Variants in MRPL46 observed in about 807,000 individuals in gnomAD.
MRPL46 encodes the protein large ribosomal subunit protein mL46.
Under a neutral mutation model 31.0 loss-of-function variants are expected in MRPL46, and 26 were observed. The observed-to-expected ratio is 0.84, with a 90% CI of 0.61 to 1.16. MRPL46 has a LOEUF of 1.16. MRPL46 is among the 50% of genes most tolerant of loss of function. MRPL46 has a pLI of 0.00. For synonymous variants in MRPL46, 159 were observed against 141.3 expected, an observed-to-expected ratio of 1.13 and a Z score of -0.89; for missense variants, 395 against 340.0, an observed-to-expected ratio of 1.16 and a Z score of -1.27.
intron 3 of MRPL46, chr15:88,461,669 A>C (rs2055478589): frequency 6.6e-6 from 1 of 152,232 alleles, no homozygotes; most frequent in South Asian, 2.1e-4. Context: ...AGTGCTATTA[A>C]TTGGCAAGAG....
chr15:88,464,581 C>T, intron 3 of MRPL46, 122 bp downstream of exon 3: 1 of 1,078,158 alleles, frequency 9.3e-7, no homozygotes, highest in Non-Finnish European at 1.3e-6. Flanking sequence ...TTTTTATAAA[C>T]TTCAAAATTT....
Position 88,464,734 on chromosome 15 carries a change from T to G in MRPL46, c.558A>C (p.Gly186=). Residue 186 remains glycine, a synonymous_variant, in exon 3 of 4, where the codon GGA becomes GGC. Coordinates refer to ENST00000312475, the MANE Select transcript of MRPL46 (RefSeq NM_022163.4). ...GTGTGGCCAGGGTTCGTTCAGCTGT[T>G]CCTCGAAGGGTCTCCCCAGGCTGCC... The part of the protein sequence containing the change: ...AEWQPGETLR[G]TAERTLATLS... The G allele has an allele frequency of 6.2e-7, 1 of 1,614,002 alleles. No individual in the cohort carries two copies. The highest frequency in any genetic ancestry group is 2.2e-5 in the East Asian group (1 of 44,858).
intron 3 of MRPL46, chr15:88,462,155 C>T (rs1243755080): frequency 6.8e-6 from 1 of 146,500 alleles, no homozygotes; most frequent in Admixed American, 6.7e-5. Flanking sequence ...TTTTCTCATA[C>T]TAAAAAAAAA....
At chr15:88,465,805 T>A in intron 1 of MRPL46, 32 bp from the exon 2 acceptor site, 1 of 1,527,870 alleles carries the variant, frequency 6.5e-7, no homozygotes, top group Non-Finnish European at 8.7e-7. Flanking sequence ...AAAACTACCT[T>A]AATCTGGCAA....
chr15:88,465,854 G>A (rs748470096), intron 1 of MRPL46, 81 bp from the exon 2 acceptor site: 7 of 1,317,098 alleles, frequency 5.3e-6, no homozygotes, highest in Non-Finnish European at 7.1e-6. Flanking sequence ...ATAAAACAGA[G>A]ACATGGCACA....
chr15:88,459,955 A>G, intron 3 of MRPL46, 92 bp from the exon 4 acceptor site: 1 of 1,498,756 alleles, frequency 6.7e-7, no homozygotes, highest in African/African-American at 1.4e-5. Flanking sequence ...GGTCCCTGCA[A>G]GATCTGGCCC....
At chr15:88,467,019 A>T in intron 1 of MRPL46, 131 bp downstream of exon 1, 1 of 1,055,630 alleles carries the variant, frequency 9.5e-7, no homozygotes, top group Non-Finnish European at 1.4e-6. Flanking sequence ...ACATCTATGT[A>T]CCAAACCAAG....
chr15:88,464,843 T>C lies in MRPL46; in HGVS notation c.449A>G (p.Asn150Ser). 6.2e-7 allele frequency: 1 copy of C among 1,614,094 alleles called. No individual in the cohort carries two copies. Among genetic ancestry groups the C allele is most frequent in the Non-Finnish European group, 8.5e-7 (1 of 1,179,996 alleles). The change falls in exon 3 of 4, where the codon AAC (asparagine) becomes AGC (serine). Residue 150 changes from asparagine to serine, a missense_variant. Asn to Ser is a conservative substitution (Grantham distance 46). Coordinates refer to ENST00000312475, the MANE Select transcript of MRPL46 (RefSeq NM_022163.4). ...ADEKNDRTSL[N>S]RKLDRNLVLL... is the part of the protein sequence containing the mutation. Reference sequence around the variant, plus strand: ...GACAAGGTTCCTGTCTAGCTTCCTGTTCAGGGATGTTCGGTCATTCTTTTC... The same window carrying C: ...GACAAGGTTCCTGTCTAGCTTCCTGCTCAGGGATGTTCGGTCATTCTTTTC...
At chr15:88,465,377 G>T in intron 2 of MRPL46, 1 of 472,654 alleles carries the variant, frequency 2.1e-6, no homozygotes, top group South Asian at 6.6e-5. Context: ...AAGTTTAACT[G>T]AGAGAAAAGG....
chr15:88,465,413 C>A (rs949015371), intron 2 of MRPL46, 174 bp downstream of exon 2: 86 of 651,118 alleles, frequency 1.3e-4, no homozygotes, highest in Admixed American at 3.7e-5. Context: ...TACCTCTCAC[C>A]CGAAAATAAG....
intron 3 of MRPL46, chr15:88,462,901 T>C (rs1598283849): frequency 6.6e-6 from 1 of 152,276 alleles, no homozygotes; most frequent in Non-Finnish European, 1.5e-5. Context: ...ATATGTGTTT[T>C]AATATATTTG....
intron 3 of MRPL46, chr15:88,464,486 G>C (rs1427404041): frequency 3.9e-6 from 2 of 510,146 alleles, no homozygotes; most frequent in African/African-American, 4.0e-5. Context: ...TAAAATCTCA[G>C]TGGAACAAAG....
At chr15:88,460,219 C>A in intron 3 of MRPL46, 1 of 250,550 alleles carries the variant, frequency 4.0e-6, no homozygotes, top group South Asian at 5.6e-5. Flanking sequence ...GCTGGCGAAT[C>A]AGCCCAGTCG....
rs745858607 is a variant in MRPL46 at position 88,459,781 on chromosome 15, C to G, written c.672G>C (p.Glu224Asp). The G allele has an allele frequency of 1.4e-5, 22 of 1,614,226 alleles. No individual in the cohort carries two copies. The highest frequency in any genetic ancestry group is 9.9e-5 in the South Asian group (9 of 91,086). Residue 224 changes from glutamate to aspartate, a missense_variant, in exon 4 of 4, where the codon GAG becomes GAC. Coordinates refer to ENST00000312475, the MANE Select transcript of MRPL46 (RefSeq NM_022163.4). ...AGAACACCTTGGCTCCGAGGTTACT[C>G]TCTGTCCGCATTGCCTGGGGGAACT... is the stretch of plus-strand genomic sequence containing the variant. ...TFKFPQAMRT[E>D]SNLGAKVFFF... is the part of the protein sequence containing the mutation.
intron 3 of MRPL46, chr15:88,460,544 T>C (rs1168148973): frequency 6.6e-6 from 1 of 152,420 alleles, no homozygotes; most frequent in Non-Finnish European, 1.5e-5. Context: ...AATGATGGAC[T>C]AATTACTAAA....
At chr15:88,466,028 A>G (rs1452601515) in intron 1 of MRPL46, among the ~76,000 whole-genome samples, 1 of 152,228 alleles carries the variant, frequency 6.6e-6, no homozygotes, top group Non-Finnish European at 1.5e-5. Context: ...CTACAAAAAC[A>G]GAGAGCTGGG....
chr15:88,460,954 T>A (rs1264514970), intron 3 of MRPL46: 2 of 152,196 alleles, frequency 1.3e-5, no homozygotes, highest in Non-Finnish European at 1.5e-5. Context: ...TTGGTCAGGC[T>A]GGTCTTGAAC....
chr15:88,460,148 A>G (rs2055464352), intron 3 of MRPL46: 2 of 398,376 alleles, frequency 5.0e-6, no homozygotes, highest in South Asian at 2.9e-5. Flanking sequence ...TGGGAGTCAG[A>G]GCACCTAGTT....
chr15:88,467,020 C>G (rs2055546477), intron 1 of MRPL46, 130 bp downstream of exon 1: 4 of 1,075,770 alleles, frequency 3.7e-6, no homozygotes, highest in Non-Finnish European at 4.0e-6. Context: ...CATCTATGTA[C>G]CAAACCAAGT....
Sources: gnomAD v4.1 joint callset for allele counts (sites outside exome capture counted in the v4.1 genomes callset) on GRCh38, gnomAD v4.1.1 for gene constraint, MANE v1.5 for transcripts, NCBI Gene and HGNC (gene_info 2026-07-23, HGNC 2026-07-21) for gene names.